The following SEMA5A variants were observed in gnomAD, a reference collection of about 807,000 sequenced individuals.
SEMA5A encodes the protein semaphorin-5A.
SEMA5A carries 55 observed loss-of-function variants against 135.5 expected under a neutral mutation model. That is an observed-to-expected ratio of 0.41 (90% confidence interval 0.33 to 0.51). The LOEUF is 0.51. Ranked by LOEUF, SEMA5A falls within the 20% of genes least tolerant of loss-of-function variation. The pLI, the probability that SEMA5A is intolerant of heterozygous loss-of-function variation, is 0.37. For synonymous variants in SEMA5A, 580 were observed against 546.5 expected, an observed-to-expected ratio of 1.06 and a Z score of -0.85; for missense variants, 1,290 against 1,419.9, an observed-to-expected ratio of 0.91 and a Z score of 1.47.
At chr5:9,320,600 C>T (rs774712525) in intron 4 of SEMA5A, among the ~76,000 whole-genome samples, 2 of 152,110 alleles carry the variant, frequency 1.3e-5, no homozygotes, top group Non-Finnish European at 2.9e-5. Context: ...TGCTTGGAGT[C>T]CCAGCTACTC....
At chr5:9,199,253 C>A (rs528928770) in intron 9 of SEMA5A, among the ~76,000 whole-genome samples, 71 of 152,314 alleles carry the variant, frequency 4.7e-4, no homozygotes, top group South Asian at 2.5e-3. Context: ...CCAGTCTGAG[C>A]ATCCTTTAAT....
chr5:9,142,988 A>C (rs111826957), intron 12 of SEMA5A, among the ~76,000 whole-genome samples: 27 of 152,326 alleles, frequency 1.8e-4, no homozygotes, highest in African/African-American at 6.3e-4. Flanking sequence ...TCTTACAAAA[A>C]ATAAGACTGA....
intron 1 of SEMA5A, among the ~76,000 whole-genome samples, chr5:9,456,941 C>T (rs1056515866): frequency 3.3e-5 from 5 of 152,180 alleles, no homozygotes; most frequent in African/African-American, 1.2e-4. Context: ...ACTAAACTTG[C>T]CTTTCATCTC....
intron 12 of SEMA5A, among the ~76,000 whole-genome samples, chr5:9,142,262 G>C (rs1042124740): frequency 2.0e-5 from 3 of 152,208 alleles, no homozygotes; most frequent in Non-Finnish European, 4.4e-5. Context: ...GGGATGAACA[G>C]AAGTGACCCA....
In SEMA5A at chr5:9,420,837, AC is replaced by A. The variant is rs376480490; in HGVS notation, c.-78+16918del. ...AGACTAGCCTGGCCAATATGGTGAA[AC>A]CCCGTCTCTACTAAAAATATATAAA... On this transcript the variant is annotated intron_variant, in intron 2 of 22. Transcript: ENST00000382496. Among the ~76,000 whole-genome samples, 317 of 151,930 alleles carry A rather than the reference AC, an allele frequency of 2.1e-3. 1 individual carries two copies. The highest frequency in any genetic ancestry group is 7.1e-3 in the African/African-American group (292 of 41,414).
intron 3 of SEMA5A, among the ~76,000 whole-genome samples, chr5:9,351,622 T>C (rs190017421): frequency 6.6e-6 from 1 of 152,344 alleles, no homozygotes; most frequent in East Asian, 1.9e-4. Context: ...TTAACACTGT[T>C]ATTCAATGAA....
At chr5:9,259,164 C>G (rs1175586101) in intron 5 of SEMA5A, among the ~76,000 whole-genome samples, 1 of 152,184 alleles carries the variant, frequency 6.6e-6, no homozygotes, top group Non-Finnish European at 1.5e-5. Context: ...CATTCTAATT[C>G]TTTTGCTATC....
chr5:9,108,038 A>G (rs1200704628), intron 16 of SEMA5A, 102 bp downstream of exon 16: 59 of 1,407,576 alleles, frequency 4.2e-5, no homozygotes, highest in Non-Finnish European at 5.4e-5. Context: ...CAGAACATTT[A>G]TTGTTTGCAG....
intron 1 of SEMA5A, among the ~76,000 whole-genome samples, chr5:9,492,290 A>G (rs1273010671): frequency 6.6e-6 from 1 of 152,228 alleles, no homozygotes; most frequent in African/African-American, 2.4e-5. Flanking sequence ...ATAAAGTGTT[A>G]TTGCACCTTT....
intron 2 of SEMA5A, among the ~76,000 whole-genome samples, chr5:9,393,864 A>C (rs1313308271): frequency 6.6e-6 from 1 of 152,198 alleles, no homozygotes; most frequent in Non-Finnish European, 1.5e-5. Flanking sequence ...CATAATAGCA[A>C]AAAATTAGAA....
chr5:9,471,458 T>G (rs1759474831), intron 1 of SEMA5A, among the ~76,000 whole-genome samples: 1 of 152,218 alleles, frequency 6.6e-6, no homozygotes, highest in African/African-American at 2.4e-5. Context: ...GAGAATGGTG[T>G]GGCCCTTCCT....
intron 5 of SEMA5A, among the ~76,000 whole-genome samples, chr5:9,287,457 C>T (rs1242678846): frequency 6.6e-6 from 1 of 152,118 alleles, no homozygotes; most frequent in African/African-American, 2.4e-5. Flanking sequence ...GTAACTAAAA[C>T]TTTTCCCTAA....
intron 12 of SEMA5A, among the ~76,000 whole-genome samples, chr5:9,150,616 CGTGTG>C (rs138600393): frequency 0.012 from 1,859 of 152,292 alleles, 11 homozygotes; most frequent in South Asian, 0.028. Flanking sequence ...TCACAACACA[CGTGTG>C]GTCAGTACAG....
In SEMA5A at chr5:9,185,600, T is replaced by C. The variant is rs550642405; in HGVS notation, c.1273+4667A>G. 3.9e-5 allele frequency among the ~76,000 whole-genome samples: 6 copies of C among 152,302 alleles called. No individual in the cohort carries two copies. In the South Asian group the frequency reaches 6.2e-4, roughly 16 times the overall value. ...GAGATCACATTCCTTTTAAAAAATATATTTATTGAGATATAATTTGCATGC... is the reference window on the plus strand; with the variant it reads ...GAGATCACATTCCTTTTAAAAAATACATTTATTGAGATATAATTTGCATGC... On this transcript the variant is annotated intron_variant, in intron 11 of 22. Coordinates refer to ENST00000382496, the MANE Select transcript of SEMA5A (RefSeq NM_003966.3).
At position 9,202,143 on chromosome 5, in the gene SEMA5A, G is replaced by A. The variant is rs1258307178; in HGVS notation, c.744C>T (p.Ser248=). ...CGTTCTTGCACACCCGGGCAGCTCT[G>A]GAGAACACTGTTTTCCCACAGTCAT... is the stretch of plus-strand genomic sequence containing the variant. ...VEHDCGKTVF[S]RAARVCKNDI... is the part of the protein sequence containing the mutation. Residue 248 remains serine (S), a synonymous_variant, in exon 9 of 23, where the codon TCC becomes TCT. Coordinates refer to ENST00000382496, the MANE Select transcript of SEMA5A (RefSeq NM_003966.3). 2 of 1,614,026 alleles carry A rather than the reference G, an allele frequency of 1.2e-6. No individual in the cohort carries two copies. Among genetic ancestry groups the A allele is most frequent in the African/African-American group, 2.7e-5 (2 of 74,904 alleles).
chr5:9,102,258 T>A (rs1238011083), intron 16 of SEMA5A, among the ~76,000 whole-genome samples: 2 of 152,216 alleles, frequency 1.3e-5, no homozygotes, highest in Non-Finnish European at 2.9e-5. Context: ...AGCTGTCCCA[T>A]TTGAATAAAA....
chr5:9,527,917 T>A (rs1403632779), intron 1 of SEMA5A, among the ~76,000 whole-genome samples: 1 of 152,128 alleles, frequency 6.6e-6, no homozygotes, highest in Non-Finnish European at 1.5e-5. Flanking sequence ...GCCTAGAAGA[T>A]CTTGATATTT....
At chr5:9,445,678 A>T (rs1234490850) in intron 1 of SEMA5A, among the ~76,000 whole-genome samples, 2 of 152,060 alleles carry the variant, frequency 1.3e-5, no homozygotes, top group Non-Finnish European at 2.9e-5. Flanking sequence ...CAAAAAAAAA[A>T]GTGTCAGATG....
chr5:9,290,468 T>A (rs375357895), intron 5 of SEMA5A, among the ~76,000 whole-genome samples: 1 of 152,222 alleles, frequency 6.6e-6, no homozygotes, highest in African/African-American at 2.4e-5. Flanking sequence ...TGGTTCAATA[T>A]TTTTGCAGTT....
Sources: gnomAD v4.1 joint callset for allele counts (sites outside exome capture counted in the v4.1 genomes callset) on GRCh38, gnomAD v4.1.1 for gene constraint, MANE v1.5 for transcripts, NCBI Gene and HGNC (gene_info 2026-07-23, HGNC 2026-07-21) for gene names.